ERBB4: variants seen among roughly 807,000 people sequenced by gnomAD.
The protein encoded by ERBB4 is receptor tyrosine-protein kinase erbB-4.
In ERBB4, 42 loss-of-function variants were observed where a neutral mutation model predicts 158.0. That is an observed-to-expected ratio of 0.27 (90% CI 0.21 to 0.34). The LOEUF (loss-of-function observed/expected upper bound fraction) is 0.34. ERBB4 is among the 10% of genes least tolerant of loss of function. ERBB4 has a pLI of 1.00. For missense variants in ERBB4, 1,333 were observed against 1,624.1 expected (o/e 0.82, Z 3.08); for synonymous variants, 583 against 558.7 (o/e 1.04, Z -0.61).
intron 3 of ERBB4, among the ~76,000 whole-genome samples, chr2:211,947,066 A>G (rs1015117485): frequency 1.3e-5 from 2 of 152,138 alleles, no homozygotes; most frequent in Admixed American, 6.6e-5. Flanking sequence ...CAGCTTGGAT[A>G]TTACTAAGCG....
At chr2:212,230,342 A>G (rs1217517610) in intron 1 of ERBB4, among the ~76,000 whole-genome samples, 1 of 152,130 alleles carries the variant, frequency 6.6e-6, no homozygotes, top group Non-Finnish European at 1.5e-5. Flanking sequence ...GGTATGCTGC[A>G]AAACTATTAC....
intron 19 of ERBB4, among the ~76,000 whole-genome samples, chr2:211,611,407 A>AGCTTCACTTTTGCTTTC (rs2069190214): frequency 1.4e-5 from 2 of 145,618 alleles, no homozygotes; most frequent in Non-Finnish European, 3.0e-5. Context: ...AAGGTGTGGA[A>AGCTTCACTTTTGCTTTC]GCTTTACTTT....
At chr2:212,269,660 A>T (rs1179722742) in intron 1 of ERBB4, among the ~76,000 whole-genome samples, 1 of 151,868 alleles carries the variant, frequency 6.6e-6, no homozygotes, top group Admixed American at 6.6e-5. Flanking sequence ...TTTTGTGTCT[A>T]AAGTGTTGAT....
At chr2:212,291,088 C>A (rs2086190337) in intron 1 of ERBB4, among the ~76,000 whole-genome samples, 1 of 152,050 alleles carries the variant, frequency 6.6e-6, no homozygotes, top group Non-Finnish European at 1.5e-5. Context: ...AAGTAGGGAA[C>A]TTACTATGGG....
intron 7 of ERBB4, among the ~76,000 whole-genome samples, chr2:211,720,452 C>T (rs919661454): frequency 3.3e-5 from 5 of 152,212 alleles, no homozygotes; most frequent in African/African-American, 9.6e-5. Flanking sequence ...TTCTCCACTG[C>T]TTTGTGATCA....
chr2:211,900,446 AAC>A (rs2079205404), intron 3 of ERBB4, among the ~76,000 whole-genome samples: 1 of 151,988 alleles, frequency 6.6e-6, no homozygotes. Context: ...ATGAAAGTAA[AAC>A]AAACTCATTG....
At chr2:212,018,519 T>A (rs1575523771) in intron 2 of ERBB4, among the ~76,000 whole-genome samples, 1 of 152,220 alleles carries the variant, frequency 6.6e-6, no homozygotes, top group Non-Finnish European at 1.5e-5. Context: ...TTTAAGGAAC[T>A]AAACATTAAT....
intron 20 of ERBB4, among the ~76,000 whole-genome samples, chr2:211,536,954 C>A (rs889232470): frequency 2.0e-4 from 30 of 151,830 alleles, no homozygotes; most frequent in African/African-American, 5.6e-4. Context: ...CAAAAAAAAA[C>A]CACCTCTGTA....
chr2:212,005,122 C>T (rs1305676954), intron 2 of ERBB4, among the ~76,000 whole-genome samples: 1 of 152,092 alleles, frequency 6.6e-6, no homozygotes. Flanking sequence ...ACACAATATA[C>T]ATCAACATAT....
chr2:212,168,431 ACATG>A (rs1416249523), intron 1 of ERBB4, among the ~76,000 whole-genome samples: 1 of 152,134 alleles, frequency 6.6e-6, no homozygotes, highest in Non-Finnish European at 1.5e-5. Context: ...GCAGTGTTAG[ACATG>A]CATGCATGCA....
chr2:212,060,267 C>G (rs1428494315), intron 2 of ERBB4, among the ~76,000 whole-genome samples: 1 of 152,084 alleles, frequency 6.6e-6, no homozygotes, highest in African/African-American at 2.4e-5. Flanking sequence ...GAGATACCAT[C>G]TCACACCAGT....
chr2:212,198,842 C>A (rs1176973651), intron 1 of ERBB4, among the ~76,000 whole-genome samples: 1 of 151,320 alleles, frequency 6.6e-6, no homozygotes, highest in East Asian at 1.9e-4. Flanking sequence ...CCTCGGCCTC[C>A]CAAAGGCTGG....
At position 212,513,005 on chromosome 2, in the gene ERBB4, C is replaced by T. The variant is rs1235146989; in HGVS notation, c.82+25444G>A. On this transcript the variant is annotated intron_variant, in intron 1 of 27. Transcript: ENST00000342788. ...CCCCTATCAGAAACATCCTCCGCAC[C>T]ACTTTTCCACTCTTCATCTAATTCT... Among the ~76,000 whole-genome samples the T allele has an allele frequency of 7.9e-5, 12 of 152,238 alleles. No homozygotes were observed. The South Asian group carries it at 2.5e-3, about 32-fold the overall frequency.
intron 3 of ERBB4, among the ~76,000 whole-genome samples, chr2:211,830,425 A>C (rs2105968426): frequency 6.6e-6 from 1 of 152,252 alleles, no homozygotes; most frequent in Admixed American, 6.5e-5. Flanking sequence ...TTTCTTTATA[A>C]TGATTCCCTT....
chr2:212,165,211 T>C (rs2081312215), intron 1 of ERBB4, among the ~76,000 whole-genome samples: 1 of 152,008 alleles, frequency 6.6e-6, no homozygotes, highest in Admixed American at 6.6e-5. Flanking sequence ...CAATGAGTCA[T>C]GCAAGTTGCG....
At chr2:211,663,179 G>C (rs1464490278) in intron 15 of ERBB4, among the ~76,000 whole-genome samples, 1 of 152,148 alleles carries the variant, frequency 6.6e-6, no homozygotes, top group Non-Finnish European at 1.5e-5. Context: ...TAGGAATTTA[G>C]GAATCACATC....
In ERBB4 at chr2:211,807,328, G is replaced by A. The variant is rs148759844; in HGVS notation, c.422-19169C>T. ...CCCAAGACAGGCCCCTGGGTGTGAC[G>A]TTTCCTGCGCTGTGCCCAAGTGTTC... On this transcript the variant is annotated intron_variant, in intron 3 of 27. Coordinates refer to ENST00000342788, the MANE Select transcript of ERBB4 (RefSeq NM_005235.3). Among the ~76,000 whole-genome samples the A allele has an allele frequency of 1.3e-4, 20 of 152,182 alleles. No homozygotes were observed. In the East Asian group the frequency reaches 2.7e-3, roughly 21 times the overall value.
At chr2:211,708,093 TAC>T (rs745933472) in intron 9 of ERBB4, among the ~76,000 whole-genome samples, 10 of 151,672 alleles carry the variant, frequency 6.6e-5, no homozygotes, top group South Asian at 2.1e-4. Context: ...TCTATCTTTA[TAC>T]ACACACACAC....
intron 3 of ERBB4, among the ~76,000 whole-genome samples, chr2:211,925,541 G>A (rs897288555): frequency 6.6e-6 from 1 of 151,560 alleles, no homozygotes; most frequent in African/African-American, 2.4e-5. Flanking sequence ...GCCACACCTG[G>A]CTAATTTTTT....
Sources: allele counts gnomAD v4.1 joint callset (sites outside exome capture counted in the v4.1 genomes callset), GRCh38; gene constraint gnomAD v4.1.1; transcripts MANE v1.5; gene names NCBI Gene and HGNC (gene_info 2026-07-23, HGNC 2026-07-21).